LRRTM4: variants seen among roughly 807,000 people sequenced by gnomAD.
LRRTM4 encodes leucine rich repeat transmembrane neuronal 4, also known as leucine-rich repeat transmembrane neuronal protein 4.
In LRRTM4, 25 loss-of-function variants were observed where a neutral mutation model predicts 47.6. The observed-to-expected ratio is 0.53, with a 90% CI of 0.38 to 0.73. The LOEUF (loss-of-function observed/expected upper bound fraction) is 0.73, where lower values mean the gene tolerates loss of function less well. LRRTM4 is among the 30% of genes least tolerant of loss of function. The probability of loss-of-function intolerance (pLI) is 0.00; values close to 1 mark genes in which losing one functional copy is unlikely to be tolerated. For synonymous variants in LRRTM4, 311 were observed against 269.5 expected, an observed-to-expected ratio of 1.15 and a Z score of -1.51; for missense variants, 638 against 713.4, an observed-to-expected ratio of 0.89 and a Z score of 1.20.
intron 3 of LRRTM4, among the ~76,000 whole-genome samples, chr2:77,117,107 C>A (rs370906488): frequency 6.6e-6 from 1 of 151,982 alleles, no homozygotes; most frequent in Non-Finnish European, 1.5e-5. Flanking sequence ...GAAGTTTATC[C>A]ATTTTACAGC....
At chr2:76,818,485 G>A (rs1408674322) in intron 3 of LRRTM4, among the ~76,000 whole-genome samples, 1 of 151,788 alleles carries the variant, frequency 6.6e-6, no homozygotes, top group Non-Finnish European at 1.5e-5. Context: ...ATTCCTCCTG[G>A]AGTGAGCAAA....
intron 3 of LRRTM4, among the ~76,000 whole-genome samples, chr2:77,021,690 G>A (rs1461437955): frequency 6.6e-6 from 1 of 152,158 alleles, no homozygotes; most frequent in African/African-American, 2.4e-5. Context: ...CCTTGGGGAG[G>A]TTAGCAAAAG....
chr2:77,373,582 C>T (rs143171691), intron 3 of LRRTM4, among the ~76,000 whole-genome samples: 107 of 151,798 alleles, frequency 7.0e-4, no homozygotes, highest in African/African-American at 2.4e-3. Context: ...ACCCTACACC[C>T]GGCATCCCCT....
At chr2:77,244,394 A>G (rs1233906932) in intron 3 of LRRTM4, among the ~76,000 whole-genome samples, 2 of 152,004 alleles carry the variant, frequency 1.3e-5, no homozygotes, top group African/African-American at 4.8e-5. Context: ...CCAACAGTGT[A>G]AAGCATTCAT....
chr2:77,366,527 C>A (rs1672470059), intron 3 of LRRTM4, among the ~76,000 whole-genome samples: 1 of 151,804 alleles, frequency 6.6e-6, no homozygotes, highest in African/African-American at 2.4e-5. Context: ...ATGTCTCCAG[C>A]CCAGACTACT....
chr2:77,002,047 T>C (rs751230420), intron 3 of LRRTM4, among the ~76,000 whole-genome samples: 1 of 152,138 alleles, frequency 6.6e-6, no homozygotes, highest in Non-Finnish European at 1.5e-5. Context: ...ATTTATAAAA[T>C]ACACGCTTAA....
chr2:77,396,475 C>T (rs1478852821), intron 3 of LRRTM4, among the ~76,000 whole-genome samples: 2 of 151,992 alleles, frequency 1.3e-5, no homozygotes, highest in African/African-American at 2.4e-5. Context: ...ACTGTGAGAA[C>T]TTGTTAAATG....
At chr2:77,404,209 T>C (rs893763674) in intron 3 of LRRTM4, among the ~76,000 whole-genome samples, 3 of 151,896 alleles carry the variant, frequency 2.0e-5, no homozygotes, top group African/African-American at 7.2e-5. Context: ...AGCAAGTCAC[T>C]CCAGTTTATA....
At chr2:77,146,632 T>C (rs1329956401) in intron 3 of LRRTM4, among the ~76,000 whole-genome samples, 2 of 152,160 alleles carry the variant, frequency 1.3e-5, no homozygotes, top group Admixed American at 6.5e-5. Context: ...CCTATTTCCA[T>C]TAAAAGTCAC....
At chr2:77,178,229 T>G (rs978742647) in intron 3 of LRRTM4, among the ~76,000 whole-genome samples, 3 of 152,208 alleles carry the variant, frequency 2.0e-5, no homozygotes, top group Non-Finnish European at 4.4e-5. Context: ...TGCTCAGAGA[T>G]AACTATTTTC....
chr2:77,057,295 C>T (rs1679640782), intron 3 of LRRTM4, among the ~76,000 whole-genome samples: 1 of 152,086 alleles, frequency 6.6e-6, no homozygotes, highest in Non-Finnish European at 1.5e-5. Context: ...TACCATAAAA[C>T]ATATGCATAT....
chr2:77,023,338 C>T (rs1053866244), intron 3 of LRRTM4, among the ~76,000 whole-genome samples: 6 of 152,154 alleles, frequency 3.9e-5, no homozygotes, highest in African/African-American at 1.4e-4. Context: ...TCTCTTGATA[C>T]CCTGGAGACA....
intron 3 of LRRTM4, among the ~76,000 whole-genome samples, chr2:76,802,669 G>C (rs1453957989): frequency 1.3e-5 from 2 of 151,246 alleles, no homozygotes; most frequent in Non-Finnish European, 2.9e-5. Context: ...TGGTCCAAAA[G>C]AACAAAGCTG....
At chr2:76,774,841 G>A (rs1299657878) in intron 3 of LRRTM4, among the ~76,000 whole-genome samples, 3 of 152,186 alleles carry the variant, frequency 2.0e-5, no homozygotes, top group African/African-American at 7.2e-5. Flanking sequence ...TTGTATCATA[G>A]GAGTGTTCAC....
At chr2:76,859,212 T>C (rs1430227257) in intron 3 of LRRTM4, among the ~76,000 whole-genome samples, 3 of 152,162 alleles carry the variant, frequency 2.0e-5, no homozygotes, top group Non-Finnish European at 4.4e-5. Flanking sequence ...TGCAAGGGTG[T>C]TGGAGTAGGA....
intron 3 of LRRTM4, among the ~76,000 whole-genome samples, chr2:77,356,829 T>C (rs1462961615): frequency 2.0e-5 from 3 of 152,176 alleles, no homozygotes; most frequent in Admixed American, 6.5e-5. Context: ...GGTTTTCCTA[T>C]ATGCACACAA....
chr2:77,183,997 G>C (rs1673428442), intron 3 of LRRTM4, among the ~76,000 whole-genome samples: 1 of 152,014 alleles, frequency 6.6e-6, no homozygotes, highest in African/African-American at 2.4e-5. Flanking sequence ...AGGAGTTAAT[G>C]GGTGCAGCAC....
intron 3 of LRRTM4, among the ~76,000 whole-genome samples, chr2:77,349,952 G>A (rs1214583137): frequency 6.6e-6 from 1 of 152,076 alleles, no homozygotes. Context: ...CTGGCACTAG[G>A]TTCAGAATCT....
At chr2:76,790,707 C>G (rs935238684) in intron 3 of LRRTM4, among the ~76,000 whole-genome samples, 1 of 151,806 alleles carries the variant, frequency 6.6e-6, no homozygotes, top group South Asian at 2.1e-4. Context: ...AGACCCCCCC[C>G]CACCACCTCA....
Sources: gnomAD v4.1 joint callset for allele counts (sites outside exome capture counted in the v4.1 genomes callset) on GRCh38, gnomAD v4.1.1 for gene constraint, MANE v1.5 for transcripts, NCBI Gene and HGNC (gene_info 2026-07-23, HGNC 2026-07-21) for gene names.